Variants in TCF4 observed in about 807,000 individuals in gnomAD.
TCF4 encodes transcription factor 4.
TCF4 carries 3 observed loss-of-function variants against 82.1 expected under a neutral mutation model. That is an observed-to-expected ratio of 0.04 (90% CI 0.02 to 0.09). The LOEUF is 0.09. Among genes scored for constraint, TCF4 ranks in the 10% least tolerant of loss-of-function variants. The pLI is 1.00. For synonymous variants in TCF4, 276 were observed against 309.6 expected, an observed-to-expected ratio of 0.89 and a Z score of 1.14; for missense variants, 518 against 852.7, an observed-to-expected ratio of 0.61 and a Z score of 4.89.
At chr18:55,505,349 C>T (rs2096742741) in intron 3 of TCF4, among the ~76,000 whole-genome samples, 1 of 152,062 alleles carries the variant, frequency 6.6e-6, no homozygotes, top group African/African-American at 2.4e-5. Flanking sequence ...TTACTATCAA[C>T]AATACATAAT....
intron 8 of TCF4, among the ~76,000 whole-genome samples, chr18:55,331,564 A>C (rs983940803): frequency 1.3e-5 from 2 of 152,210 alleles, no homozygotes; most frequent in African/African-American, 4.8e-5. Flanking sequence ...AGAAATCATC[A>C]TGTCCACAGA....
intron 13 of TCF4, 96 bp downstream of exon 13, chr18:55,259,853 G>T: frequency 9.6e-7 from 1 of 1,041,876 alleles, no homozygotes; most frequent in Non-Finnish European, 1.5e-6. Context: ...TGGGATTTGG[G>T]GGGAAGTGAG....
chr18:55,228,304 G>C lies in TCF4; in HGVS notation c.1937C>G (p.Ser646Cys). The change falls in exon 19 of 20, where the codon TCC becomes TGC. Residue 646 changes from serine to cysteine, a missense_variant. Around this residue, in one of 7 missense-constraint regions of TCF4, gnomAD observed 40 missense variants for 41.5 expected, o/e 0.96. Transcript: ENST00000354452. ...CAAGGAGAGAGGGGGAGGCTCTGAGGACACCTTCTCTTCCTCCCTTCTTTT... is the reference window on the plus strand; with the variant it reads ...CAAGGAGAGAGGGGGAGGCTCTGAGCACACCTTCTCTTCCTCCCTTCTTTT... The part of the protein sequence containing the change: ...CLKRREEEKV[S>C]SEPPPLSLAG... 6.2e-7 allele frequency: 1 copy of C among 1,614,122 alleles called. No individual in the cohort carries two copies. The highest frequency in any genetic ancestry group is 8.5e-7 in the Non-Finnish European group (1 of 1,180,010).
intron 5 of TCF4, among the ~76,000 whole-genome samples, chr18:55,433,572 G>A (rs1178987111): frequency 6.6e-6 from 1 of 152,236 alleles, no homozygotes; most frequent in Non-Finnish European, 1.5e-5. Context: ...GATCTGGACT[G>A]TTTTGAAAAT....
chr18:55,471,173 T>A (rs2096170096), intron 3 of TCF4, among the ~76,000 whole-genome samples: 1 of 152,174 alleles, frequency 6.6e-6, no homozygotes. Flanking sequence ...GTAGAGTAAT[T>A]TGAAGTCAAA....
intron 8 of TCF4, among the ~76,000 whole-genome samples, chr18:55,318,181 T>C (rs542523951): frequency 1.3e-3 from 202 of 152,272 alleles, no homozygotes; most frequent in Non-Finnish European, 1.3e-3. Context: ...GTGGATATGC[T>C]ATAATATTAG....
At chr18:55,616,120 A>C (rs1046281457) in intron 2 of TCF4, among the ~76,000 whole-genome samples, 1 of 152,108 alleles carries the variant, frequency 6.6e-6, no homozygotes, top group Admixed American at 6.6e-5. Context: ...CCCATTGAGC[A>C]TCAGTTCCCC....
chr18:55,265,483 T>C (rs980425588), intron 11 of TCF4: 2 of 152,142 alleles, frequency 1.3e-5, no homozygotes, highest in African/African-American at 4.8e-5. Context: ...AGGGGGAAGT[T>C]GGGCTTCCTG....
rs1367195506 is a variant in TCF4 at position 55,269,941 on chromosome 18, G to T, written c.812C>A (p.Ala271Glu). The change falls in exon 11 of 20, where the codon GCA (alanine) becomes GAA (glutamate). Residue 271 changes from alanine (A) to glutamate (E), a missense_variant. By Grantham distance (107) the Ala-to-Glu change is moderately radical (BLOSUM62 -1). Coordinates refer to ENST00000354452, the MANE Select transcript of TCF4 (RefSeq NM_001083962.2). Reference sequence around the variant, plus strand: ...CGGAGGAAGACTGGAATTGATGTCTGCTGAGGAGTGTGATGGATAGCTCTA... The same window carrying T: ...CGGAGGAAGACTGGAATTGATGTCTTCTGAGGAGTGTGATGGATAGCTCTA... Reference protein sequence around the residue: ...ERLSYPSHSSADINSSLPPMS... With the variant: ...ERLSYPSHSSEDINSSLPPMS... 1 of 1,613,302 alleles carries T rather than the reference G, an allele frequency of 6.2e-7. No homozygotes were observed. Among genetic ancestry groups the T allele is most frequent in the Admixed American group, 1.7e-5 (1 of 59,966 alleles).
In TCF4 at chr18:55,405,237, C is replaced by T. The variant is rs562241502; in HGVS notation, c.305-1719G>A. On this transcript the variant is annotated intron_variant, in intron 5 of 19. Coordinates refer to ENST00000354452, the MANE Select transcript of TCF4 (RefSeq NM_001083962.2). Reference sequence around the variant, plus strand: ...GACCTTCATGAGCTATCAAAGGACGCGTGTCCTTCCTTAAGCTCTTGCATC... The same window carrying T: ...GACCTTCATGAGCTATCAAAGGACGTGTGTCCTTCCTTAAGCTCTTGCATC... Among the ~76,000 whole-genome samples the T allele has an allele frequency of 5.3e-5, 8 of 152,296 alleles. No homozygotes were observed. In the East Asian group the frequency reaches 7.7e-4, roughly 15 times the overall value.
intron 5 of TCF4, among the ~76,000 whole-genome samples, chr18:55,459,147 G>A (rs1200594215): frequency 6.6e-6 from 1 of 152,130 alleles, no homozygotes; most frequent in Admixed American, 6.6e-5. Context: ...AGAGTTTAAT[G>A]GGAAGGAGGG....
At chr18:55,461,894 A>G (rs2095873176) in intron 4 of TCF4, among the ~76,000 whole-genome samples, 1 of 152,176 alleles carries the variant, frequency 6.6e-6, no homozygotes, top group African/African-American at 2.4e-5. Context: ...GGGAAATTTG[A>G]TAACGCAATA....
chr18:55,473,216 C>G (rs565566729), intron 3 of TCF4, among the ~76,000 whole-genome samples: 22 of 152,230 alleles, frequency 1.4e-4, no homozygotes, highest in Admixed American at 1.4e-3. Context: ...TACCTCTTTT[C>G]TCCCGAGGGT....
rs1306309859 is a variant in TCF4, at chr18:55,223,534, G to A, written c.*4501C>T. 1.3e-5 allele frequency: 2 copies of A among 152,532 alleles called. No individual in the cohort carries two copies. Among genetic ancestry groups the A allele is most frequent in the African/African-American group, 4.8e-5 (2 of 41,432 alleles). 9.4% of individuals were successfully genotyped at this position (152,532 alleles called of 1,614,324 possible). A position where few individuals can be genotyped will look rare whatever the true frequency, so the allele number is the denominator to read the frequency against. Reference sequence around the variant, plus strand: ...TAACTACAGATGGGAAACAGGTAATGGCCTTGACCAAGCTGGGTTTGTTTT... The same window carrying A: ...TAACTACAGATGGGAAACAGGTAATAGCCTTGACCAAGCTGGGTTTGTTTT... On this transcript the variant is annotated 3_prime_UTR_variant, in exon 20 of 20. Coordinates refer to ENST00000354452, the MANE Select transcript of TCF4 (RefSeq NM_001083962.2).
At chr18:55,585,688 G>T in intron 2 of TCF4, 1 of 956,878 alleles carries the variant, frequency 1.0e-6, no homozygotes, top group Non-Finnish European at 1.3e-6. Context: ...TTTCACCAAG[G>T]AGAAGAAAAA....
At chr18:55,257,897 A>G (rs1568494967) in intron 13 of TCF4, among the ~76,000 whole-genome samples, 1 of 152,310 alleles carries the variant, frequency 6.6e-6, no homozygotes, top group East Asian at 1.9e-4. Flanking sequence ...CCAGAAATTT[A>G]AAGTCAATAT....
At chr18:55,543,977 A>G (rs528914488) in intron 3 of TCF4, among the ~76,000 whole-genome samples, 68 of 152,266 alleles carry the variant, frequency 4.5e-4, no homozygotes, top group African/African-American at 1.6e-3. Context: ...ACATTTTTTA[A>G]AAGAATCACC....
chr18:55,394,995 C>T (rs2093406732), intron 6 of TCF4, among the ~76,000 whole-genome samples: 1 of 152,184 alleles, frequency 6.6e-6, no homozygotes, highest in African/African-American at 2.4e-5. Flanking sequence ...CTTCAGATTA[C>T]AGGCTTCTGT....
At chr18:55,544,155 T>G (rs2097186416) in intron 3 of TCF4, among the ~76,000 whole-genome samples, 1 of 152,248 alleles carries the variant, frequency 6.6e-6, no homozygotes, top group Non-Finnish European at 1.5e-5. Flanking sequence ...TATGTCAAGA[T>G]TCCAGCCCTG....
Sources: gnomAD v4.1 joint callset for allele counts (sites outside exome capture counted in the v4.1 genomes callset) on GRCh38, gnomAD v4.1.1 for gene constraint, gnomAD v4.1.1 regional missense constraint, MANE v1.5 for transcripts, NCBI Gene and HGNC (gene_info 2026-07-23, HGNC 2026-07-21) for gene names.